The following ARID2 variants were observed in gnomAD, a reference collection of about 807,000 sequenced individuals.
ARID2 encodes AT-rich interactive domain-containing protein 2.
In ARID2, 32 loss-of-function variants were observed where a neutral mutation model predicts 184.6. The observed-to-expected ratio is 0.17, with a 90% CI of 0.13 to 0.23. The LOEUF (loss-of-function observed/expected upper bound fraction) is 0.23, where lower values mean the gene tolerates loss of function less well. Among genes scored for constraint, ARID2 ranks in the 10% least tolerant of loss-of-function variants. The pLI, the probability that ARID2 is intolerant of heterozygous loss-of-function variation, is 1.00. For synonymous variants in ARID2, 836 were observed against 772.6 expected, an observed-to-expected ratio of 1.08 and a Z score of -1.36; for missense variants, 1,696 against 2,197.6, an observed-to-expected ratio of 0.77 and a Z score of 4.56.
At position 45,849,069 on chromosome 12, in the gene ARID2, T is replaced by C. The variant is rs1031252100; in HGVS notation, c.1715+99T>C. Reference sequence around the variant, plus strand: ...CAAATATCTTATCTAGTTTTAAATATTTCTACTACTAGAAGTTTCGTATGG... The same window carrying C: ...CAAATATCTTATCTAGTTTTAAATACTTCTACTACTAGAAGTTTCGTATGG... On this transcript the variant is annotated intron_variant, in intron 13 of 20. Coordinates refer to ENST00000334344, the MANE Select transcript of ARID2 (RefSeq NM_152641.4). 5.9e-6 allele frequency: 8 copies of C among 1,362,558 alleles called. No homozygotes were observed. The African/African-American group carries it at 1.0e-4, about 18-fold the overall frequency. The allele number at this position is 1,362,558 out of a possible 1,614,324, so 84.4% of individuals were successfully genotyped here.
intron 16 of ARID2, among the ~76,000 whole-genome samples, chr12:45,874,787 A>G (rs548953008): frequency 1.3e-5 from 2 of 152,332 alleles, no homozygotes; most frequent in East Asian, 1.9e-4. Context: ...AGATCTATCC[A>G]TGGAATTACT....
At chr12:45,828,707 T>C (rs1943051073) in intron 6 of ARID2, among the ~76,000 whole-genome samples, 1 of 152,104 alleles carries the variant, frequency 6.6e-6, no homozygotes, top group Non-Finnish European at 1.5e-5. Context: ...ACATTTTTTC[T>C]TGTTTGATGA....
intron 16 of ARID2, among the ~76,000 whole-genome samples, chr12:45,862,960 T>C (rs911834868): frequency 2.6e-5 from 4 of 152,184 alleles, no homozygotes; most frequent in African/African-American, 7.2e-5. Context: ...TGCAAATATT[T>C]GTTAAGCATC....
intron 3 of ARID2, among the ~76,000 whole-genome samples, chr12:45,740,565 G>A (rs934951738): frequency 6.6e-6 from 1 of 151,936 alleles, no homozygotes; most frequent in Non-Finnish European, 1.5e-5. Context: ...ATTTATATGT[G>A]TTATGACCTA....
chr12:45,839,609 C>A, intron 11 of ARID2, 113 bp downstream of exon 11: 1 of 1,244,186 alleles, frequency 8.0e-7, no homozygotes, highest in Non-Finnish European at 1.1e-6. Flanking sequence ...GTATAGTAGG[C>A]CAAAGTGGAA....
chr12:45,821,650 T>C (rs533983748), intron 6 of ARID2, among the ~76,000 whole-genome samples, 163 bp downstream of exon 6: 1 of 152,268 alleles, frequency 6.6e-6, no homozygotes, highest in Non-Finnish European at 1.5e-5. Flanking sequence ...TTGAGTTGAG[T>C]GAAAAATCTT....
chr12:45,797,211 G>A lies in ARID2; in HGVS notation c.285-14207G>A, dbSNP rs1183674940. Among the ~76,000 whole-genome samples, 4 of 151,958 alleles carry A rather than the reference G, an allele frequency of 2.6e-5. No homozygotes were observed. In the East Asian group the frequency reaches 7.7e-4, roughly 29 times the overall value. ...TAGTATTGTGTTATACTTTGCCTAA[G>A]TTTTTAAATTTTATTTTATTTTTAT... On this transcript the variant is annotated intron_variant, in intron 3 of 20. Coordinates refer to ENST00000334344, the MANE Select transcript of ARID2 (RefSeq NM_152641.4).
chr12:45,886,189 G>A (rs1292967545), intron 16 of ARID2, among the ~76,000 whole-genome samples: 2 of 151,610 alleles, frequency 1.3e-5, no homozygotes, highest in African/African-American at 4.9e-5. Context: ...CCAAATGGGA[G>A]AAATTGGCCA....
chr12:45,748,654 C>T (rs1941403860), intron 3 of ARID2, among the ~76,000 whole-genome samples: 1 of 152,130 alleles, frequency 6.6e-6, no homozygotes, highest in Non-Finnish European at 1.5e-5. Context: ...GCAAATTACC[C>T]ACAGTAGAAC....
In ARID2 at chr12:45,850,516, A is replaced by G; in HGVS notation, c.2393A>G (p.Gln798Arg). 6.2e-7 allele frequency: 1 copy of G among 1,614,084 alleles called. No individual in the cohort carries two copies. The highest frequency in any genetic ancestry group is 8.5e-7 in the Non-Finnish European group (1 of 1,179,986). The change falls in exon 15 of 21, where the codon CAG becomes CGG. Residue 798 changes from glutamine to arginine, a missense_variant. Transcript: ENST00000334344. ...ACAGTAATTCAACAAGCTGTCCCAC[A>G]GAGTCATATGTTTGGCAGAGTACAG... ...PVTVIQQAVP[Q>R]SHMFGRVQNI...
At chr12:45,797,269 C>G (rs2138063016) in intron 3 of ARID2, among the ~76,000 whole-genome samples, 1 of 152,292 alleles carries the variant, frequency 6.6e-6, no homozygotes, top group Middle Eastern at 3.4e-3. Flanking sequence ...GAGCCTCACT[C>G]TGTGGTCCAG....
rs1034998317 is a variant in ARID2 at position 45,804,005 on chromosome 12, T to C, written c.285-7413T>C. Reference sequence around the variant, plus strand: ...TGAGTAACATATGGAGTGCCTGATATATGAAGAGAGGGAGAGAGGAGACAG... The same window carrying C: ...TGAGTAACATATGGAGTGCCTGATACATGAAGAGAGGGAGAGAGGAGACAG... On this transcript the variant is annotated intron_variant, in intron 3 of 20. Transcript: ENST00000334344. Among the ~76,000 whole-genome samples, 5 of 152,286 alleles carry C rather than the reference T, an allele frequency of 3.3e-5. No individual in the cohort carries two copies. The East Asian group carries it at 9.6e-4, about 29-fold the overall frequency.
At chr12:45,795,328 T>C (rs971642867) in intron 3 of ARID2, among the ~76,000 whole-genome samples, 1 of 152,192 alleles carries the variant, frequency 6.6e-6, no homozygotes, top group Non-Finnish European at 1.5e-5. Context: ...CTGATGATAC[T>C]ACGCCACAGG....
Position 45,855,889 on chromosome 12 carries a change from T to C in ARID2, c.4773+2993T>C, listed in dbSNP as rs151193630. Among the ~76,000 whole-genome samples, 1,072 of 151,724 alleles carry C rather than the reference T, an allele frequency of 7.1e-3. 10 individuals are homozygous for C. Among genetic ancestry groups the C allele is most frequent in the African/African-American group, 0.024 (1,012 of 41,360 alleles). ...GCATGTACTGCCATGCCCAGCTAAT[T>C]TGTTTTATGTTTTATTTTTGTAGAG... On this transcript the variant is annotated intron_variant, in intron 15 of 20. Coordinates refer to ENST00000334344, the MANE Select transcript of ARID2 (RefSeq NM_152641.4).
chr12:45,804,813 A>G (rs1230432372), intron 3 of ARID2, among the ~76,000 whole-genome samples: 1 of 152,086 alleles, frequency 6.6e-6, no homozygotes, highest in Non-Finnish European at 1.5e-5. Flanking sequence ...GGCAGACTTT[A>G]GCTTGTCCTC....
chr12:45,748,607 C>T (rs553045114), intron 3 of ARID2, among the ~76,000 whole-genome samples: 112 of 152,206 alleles, frequency 7.4e-4, no homozygotes, highest in African/African-American at 2.5e-3. Context: ...CTTTCTTTCA[C>T]GAGAGGTTTC....
Position 45,811,505 on chromosome 12 carries a change from T to G in ARID2, c.372T>G (p.Ile124Met). The change falls in exon 4 of 21, where the codon ATT becomes ATG. Residue 124 changes from isoleucine to methionine, a missense_variant. By Grantham distance (10) the Ile-to-Met change is conservative. Around this residue, in one of 11 missense-constraint regions of ARID2, gnomAD observed 148 missense variants for 285.4 expected, o/e 0.52. Transcript: ENST00000334344. ...PPGNPKPQLP[I>M]GAIPSSYNYQ... ...GCAATCCAAAGCCACAGCTTCCTATTGGTGCAATTCCATCTTCCTACAATT... is the reference window on the plus strand; with the variant it reads ...GCAATCCAAAGCCACAGCTTCCTATGGGTGCAATTCCATCTTCCTACAATT... 4.3e-6 allele frequency: 7 copies of G among 1,613,972 alleles called. No homozygotes were observed. The highest frequency in any genetic ancestry group is 5.9e-6 in the Non-Finnish European group (7 of 1,179,878).
intron 16 of ARID2, among the ~76,000 whole-genome samples, chr12:45,861,430 A>T (rs868022828): frequency 4.3e-4 from 66 of 152,278 alleles, no homozygotes; most frequent in African/African-American, 1.4e-3. Context: ...TTTAATTAAG[A>T]TGAACTTTTG....
chr12:45,759,003 GCA>G (rs563358298), intron 3 of ARID2, among the ~76,000 whole-genome samples: 1 of 151,546 alleles, frequency 6.6e-6, no homozygotes, highest in Non-Finnish European at 1.5e-5. Flanking sequence ...TAAAAGACAC[GCA>G]CACACACACA....
Sources: allele counts gnomAD v4.1 joint callset (sites outside exome capture counted in the v4.1 genomes callset), GRCh38; gene constraint gnomAD v4.1.1; regional missense constraint gnomAD v4.1.1; transcripts MANE v1.5; gene names NCBI Gene and HGNC (gene_info 2026-07-23, HGNC 2026-07-21).